Variants in FAM83D observed in about 807,000 individuals in gnomAD.
FAM83D encodes the protein scaffolding CK1 anchoring protein D, also known as protein FAM83D.
A neutral mutation model predicts 25.4 loss-of-function variants in FAM83D; 26 were observed. The observed-to-expected ratio is 1.02, with a 90% CI of 0.75 to 1.42. The LOEUF (loss-of-function observed/expected upper bound fraction) is 1.42. Ranked by LOEUF, FAM83D falls within the 40% of genes most tolerant of loss-of-function variation. The pLI, the probability that FAM83D is intolerant of heterozygous loss-of-function variation, is 0.00. For synonymous variants in FAM83D, 310 were observed against 318.5 expected (o/e 0.97, Z 0.28); for missense variants, 740 against 758.1 (o/e 0.98, Z 0.28).
chr20:38,949,106 G>A (rs530318809), intron 3 of FAM83D, among the ~76,000 whole-genome samples: 1 of 151,540 alleles, frequency 6.6e-6, no homozygotes. Context: ...TGTTGAGGAG[G>A]TTTTATAATC....
chr20:38,926,833 G>T lies in FAM83D; in HGVS notation c.391G>T (p.Val131Phe), dbSNP rs1010808253. 3.3e-6 allele frequency: 5 copies of T among 1,534,106 alleles called. No individual in the cohort carries two copies. The highest frequency in any genetic ancestry group is 4.0e-5 in the Admixed American group (2 of 50,606). Residue 131 changes from valine to phenylalanine, a missense_variant, in exon 1 of 4, where the codon GTC (valine) becomes TTC (phenylalanine). Around this residue, in one of 3 missense-constraint regions of FAM83D, gnomAD observed 333 missense variants for 298.6 expected, o/e 1.12. Coordinates refer to ENST00000619850, the MANE Select transcript of FAM83D (RefSeq NM_030919.3). The part of the protein sequence containing the change: ...YQGAYRGATR[V>F]ETHFQPRGAG... ...GGGCGCCTACCGCGGCGCCACGCGT[G>T]TCGAGACGCACTTCCAGCCCCGCGG...
intron 3 of FAM83D, among the ~76,000 whole-genome samples, chr20:38,948,778 G>A (rs567447981): frequency 6.6e-6 from 1 of 152,184 alleles, no homozygotes; most frequent in Non-Finnish European, 1.5e-5. Flanking sequence ...TCAGCCCTGG[G>A]TAAAGGTAGA....
At chr20:38,949,969 C>T (rs534783357) in intron 3 of FAM83D, among the ~76,000 whole-genome samples, 1 of 152,194 alleles carries the variant, frequency 6.6e-6, no homozygotes, top group African/African-American at 2.4e-5. Context: ...CAGGCGCCCG[C>T]CACCACGCCC....
intron 1 of FAM83D, among the ~76,000 whole-genome samples, chr20:38,931,699 A>G (rs1346441115): frequency 6.6e-6 from 1 of 152,362 alleles, no homozygotes; most frequent in South Asian, 2.1e-4. Flanking sequence ...AGCCAGGGTT[A>G]CTTGGTAAAT....
intron 1 of FAM83D, among the ~76,000 whole-genome samples, chr20:38,934,078 G>T (rs893077651): frequency 1.3e-5 from 2 of 151,922 alleles, no homozygotes; most frequent in African/African-American, 2.4e-5. Flanking sequence ...ATGGTCTCAA[G>T]CTCCTGACGT....
intron 1 of FAM83D, among the ~76,000 whole-genome samples, 199 bp from the exon 2 acceptor site, chr20:38,941,760 G>C (rs2085702838): frequency 6.6e-6 from 1 of 152,128 alleles, no homozygotes; most frequent in Non-Finnish European, 1.5e-5. Flanking sequence ...AAGATTTCTA[G>C]GACACGGGGC....
At chr20:38,930,174 G>A (rs1441546285) in intron 1 of FAM83D, among the ~76,000 whole-genome samples, 1 of 152,194 alleles carries the variant, frequency 6.6e-6, no homozygotes, top group Non-Finnish European at 1.5e-5. Flanking sequence ...GACCATGAAG[G>A]TGTAGGTCTC....
intron 1 of FAM83D, among the ~76,000 whole-genome samples, chr20:38,927,754 C>T (rs1490981470): frequency 2.0e-5 from 3 of 151,936 alleles, no homozygotes; most frequent in African/African-American, 7.3e-5. Flanking sequence ...CCGCCTCGGC[C>T]TCCCAAAGTG....
intron 1 of FAM83D, among the ~76,000 whole-genome samples, chr20:38,941,525 G>A (rs2085701857): frequency 3.3e-5 from 5 of 152,178 alleles, no homozygotes; most frequent in African/African-American, 7.2e-5. Context: ...CTTGTTTAAC[G>A]GACAGCAAAC....
chr20:38,934,934 G>T (rs2085672594), intron 1 of FAM83D, among the ~76,000 whole-genome samples: 1 of 152,206 alleles, frequency 6.6e-6, no homozygotes, highest in South Asian at 2.1e-4. Flanking sequence ...GGCCACGCTA[G>T]TCTAGAACAA....
chr20:38,942,216 G>C, intron 2 of FAM83D, 90 bp downstream of exon 2: 2 of 1,419,026 alleles, frequency 1.4e-6, no homozygotes, highest in East Asian at 2.3e-5. Flanking sequence ...CGGTATCCCT[G>C]TTTACAAGGA....
At chr20:38,938,448 C>A (rs1049807092) in intron 1 of FAM83D, among the ~76,000 whole-genome samples, 1 of 152,224 alleles carries the variant, frequency 6.6e-6, no homozygotes, top group Non-Finnish European at 1.5e-5. Flanking sequence ...GTGCTCAACA[C>A]CTGCCTGCCT....
chr20:38,952,142 AG>A lies in FAM83D; in HGVS notation c.1383del (p.Ser462HisfsTer14). 1 of 1,614,198 alleles carries A rather than the reference AG, an allele frequency of 6.2e-7. No homozygotes were observed. The highest frequency in any genetic ancestry group is 8.5e-7 in the Non-Finnish European group (1 of 1,180,038). On this transcript the variant is annotated frameshift_variant, in exon 4 of 4. Transcript: ENST00000619850. LOFTEE classifies it low-confidence loss of function (END_TRUNC). ...LFPRGTQSTE[G>X]SPVSKMSVSR... is the part of the protein sequence containing the mutation. ...TTCCTCGAGGAACTCAATCTACAGA[AG>A]GGTCACCAGTCTCAAAAATGTCTGT...
intron 2 of FAM83D, among the ~76,000 whole-genome samples, chr20:38,944,029 TCTC>T (rs2085715085): frequency 6.6e-6 from 1 of 152,232 alleles, no homozygotes; most frequent in South Asian, 2.1e-4. Context: ...ACCCATGGCT[TCTC>T]AGCCTTTTGG....
intron 2 of FAM83D, among the ~76,000 whole-genome samples, chr20:38,945,758 C>T (rs1334417204): frequency 3.4e-4 from 48 of 140,162 alleles, no homozygotes; most frequent in African/African-American, 1.0e-3. Context: ...CCACCCCACC[C>T]CCCGTTTTTT....
At chr20:38,946,867 C>T (rs575378628) in intron 2 of FAM83D, among the ~76,000 whole-genome samples, 25 of 152,290 alleles carry the variant, frequency 1.6e-4, no homozygotes, top group African/African-American at 6.0e-4. Context: ...TTGCTGTGAA[C>T]ATGTGTAGAG....
intron 2 of FAM83D, 54 bp from the exon 3 acceptor site, chr20:38,947,822 C>T: frequency 6.3e-7 from 1 of 1,594,040 alleles, no homozygotes; most frequent in Non-Finnish European, 8.6e-7. Context: ...ATTTGCTCAG[C>T]AGATGAGTAT....
At chr20:38,928,356 C>T (rs1443884922) in intron 1 of FAM83D, among the ~76,000 whole-genome samples, 1 of 152,202 alleles carries the variant, frequency 6.6e-6, no homozygotes, top group East Asian at 1.9e-4. Flanking sequence ...GTAGTGGATA[C>T]AGTGACCTAG....
In FAM83D at chr20:38,951,572, T is replaced by C. The variant is rs1180523629; in HGVS notation, c.810T>C (p.Ser270=). The stretch of plus-strand genomic sequence containing the variant: ...GGACGGATGGCAAATTAAACAGCAG[T>C]AACTTGGTAATTCTGTCTGGCCAAG... The part of the protein sequence containing the change: ...FTWTDGKLNS[S]NLVILSGQVV... The change falls in exon 4 of 4, where the codon AGT becomes AGC. Residue 270 remains serine, a synonymous_variant. Coordinates refer to ENST00000619850, the MANE Select transcript of FAM83D (RefSeq NM_030919.3). The C allele has an allele frequency of 6.2e-7, 1 of 1,613,878 alleles. No individual in the cohort carries two copies. Among genetic ancestry groups the C allele is most frequent in the African/African-American group, 1.3e-5 (1 of 74,934 alleles).
Sources: gnomAD v4.1 joint callset for allele counts (sites outside exome capture counted in the v4.1 genomes callset) on GRCh38, gnomAD v4.1.1 for gene constraint, gnomAD v4.1.1 regional missense constraint, MANE v1.5 for transcripts, NCBI Gene and HGNC (gene_info 2026-07-23, HGNC 2026-07-21) for gene names.